The following TPRX1 variants were observed in gnomAD, a reference collection of about 807,000 sequenced individuals.
The protein encoded by TPRX1 is tetrapeptide repeat homeobox 1, also known as tetra-peptide repeat homeobox protein 1.
In TPRX1, 2 loss-of-function variants were observed where a neutral mutation model predicts 8.1. The ratio of observed to expected loss-of-function variants is 0.25; its 90% CI spans 0.10 to 0.78. The LOEUF is 0.78. TPRX1 is among the 30% of genes least tolerant of loss of function. The pLI is 0.70. For synonymous variants in TPRX1, 257 were observed against 254.1 expected (o/e 1.01, Z -0.11); for missense variants, 517 against 586.9 (o/e 0.88, Z 1.23).
chr19:47,811,885 A>T (rs766220182), intron 2 of TPRX1, among the ~76,000 whole-genome samples: 2 of 151,146 alleles, frequency 1.3e-5, no homozygotes, highest in Non-Finnish European at 2.9e-5. Context: ...ATATTTTTTG[A>T]GACGGAGTTT....
At chr19:47,801,916 T>A in exon 4 of TPRX1, 1 of 1,614,122 alleles carries the variant, frequency 6.2e-7, no homozygotes, top group Non-Finnish European at 8.5e-7. Context: ...AGACTGAGGA[T>A]CCCTCCAAGG....
exon 4 of TPRX1, chr19:47,801,723 T>C (rs1599948526): frequency 1.3e-6 from 2 of 1,557,550 alleles, no homozygotes; most frequent in Non-Finnish European, 1.7e-6. Context: ...GCAGTGTAGA[T>C]CAGCCACTCC....
exon 4 of TPRX1, chr19:47,802,848 G>A: frequency 6.2e-7 from 1 of 1,601,578 alleles, no homozygotes; most frequent in South Asian, 1.1e-5. Flanking sequence ...CCCCGCTGAG[G>A]TGCGGAGGCA....
chr19:47,815,563 C>T (rs532789179), intron 2 of TPRX1, among the ~76,000 whole-genome samples: 1 of 145,322 alleles, frequency 6.9e-6, no homozygotes, highest in Non-Finnish European at 1.5e-5. Flanking sequence ...AATCCCAGCA[C>T]TTTGGGAGGC....
At chr19:47,802,880 G>C in exon 4 of TPRX1, 7 of 1,588,076 alleles carry the variant, frequency 4.4e-6, no homozygotes, top group Non-Finnish European at 6.0e-6. Context: ...GACTAGGGGC[G>C]CAGCGCGGGC....
At chr19:47,815,131 T>TATATATATATGCAA (rs1967823985) in intron 2 of TPRX1, among the ~76,000 whole-genome samples, 3 of 111,476 alleles carry the variant, frequency 2.7e-5, no homozygotes, top group African/African-American at 1.1e-4. Flanking sequence ...TATATATATA[T>TATATATATATGCAA]ATATATATAT....
chr19:47,806,184 T>A (rs1967733670), intron 2 of TPRX1, among the ~76,000 whole-genome samples: 1 of 150,776 alleles, frequency 6.6e-6, no homozygotes, highest in African/African-American at 2.4e-5. Context: ...ATTGTGCCAC[T>A]GTACTCCAGC....
At chr19:47,815,832 A>G (rs1232643116) in intron 2 of TPRX1, among the ~76,000 whole-genome samples, 2 of 151,880 alleles carry the variant, frequency 1.3e-5, no homozygotes, top group Admixed American at 6.6e-5. Context: ...TGTAAAAGAA[A>G]TAATTTCCAA....
chr19:47,802,549 T>C (rs541579151), exon 4 of TPRX1: 1 of 1,549,020 alleles, frequency 6.5e-7, no homozygotes, highest in East Asian at 2.5e-5. Flanking sequence ...AAATTGGGCC[T>C]GGGATTGGGC....
At chr19:47,802,221 G>C (rs1967672845) in exon 4 of TPRX1, 1 of 1,612,164 alleles carries the variant, frequency 6.2e-7, no homozygotes, top group Non-Finnish European at 8.5e-7. Context: ...CCTATAATTG[G>C]GCCTGGGCCT....
chr19:47,802,039 TG>T lies in TPRX1; in HGVS notation c.1262del (p.Pro421GlnfsTer37). On this transcript the variant is annotated frameshift_variant, in exon 4 of 4. Coordinates refer to ENST00000535759, the Ensembl canonical transcript of TPRX1. LOFTEE classifies it low-confidence loss of function (END_TRUNC). ...AGGGGGCTGGGGCTGGGAGTGATCC[TG>T]GGCCTGGGATTGGAGCTGGGACTGA... 1 of 1,607,950 alleles carries T rather than the reference TG, an allele frequency of 6.2e-7. No individual in the cohort carries two copies. Among genetic ancestry groups the T allele is most frequent in the South Asian group, 1.1e-5 (1 of 89,898 alleles).
At chr19:47,803,856 A>T (rs1967708590) in intron 2 of TPRX1, among the ~76,000 whole-genome samples, 183 bp from the exon 2 acceptor site, 1 of 151,670 alleles carries the variant, frequency 6.6e-6, no homozygotes, top group Non-Finnish European at 1.5e-5. Flanking sequence ...ACATCTAGGA[A>T]ATAGGCGCGA....
At chr19:47,806,396 T>C (rs1967735541) in intron 2 of TPRX1, among the ~76,000 whole-genome samples, 1 of 151,362 alleles carries the variant, frequency 6.6e-6, no homozygotes, top group Non-Finnish European at 1.5e-5. Context: ...GGCGGGAGCC[T>C]GTAATCCCAG....
chr19:47,815,115 T>TATATATATATATGCAA (rs1967820025), intron 2 of TPRX1, among the ~76,000 whole-genome samples: 1 of 7,392 alleles, frequency 1.4e-4, no homozygotes, highest in Non-Finnish European at 2.6e-4. Flanking sequence ...ATAGATAAAT[T>TATATATATATATGCAA]ATATATATAT....
chr19:47,802,862 G>T (rs368212934), exon 4 of TPRX1: 4 of 1,600,574 alleles, frequency 2.5e-6, no homozygotes, highest in Non-Finnish European at 3.4e-6. Context: ...GGAGGCAGAG[G>T]CTGCAGGGAC....
chr19:47,810,038 T>C (rs1967768237), intron 2 of TPRX1, among the ~76,000 whole-genome samples: 1 of 151,854 alleles, frequency 6.6e-6, no homozygotes, highest in Admixed American at 6.6e-5. Flanking sequence ...GCGGATCACC[T>C]GAGGTCAGGA....
chr19:47,807,311 C>T (rs1342584120), intron 2 of TPRX1, among the ~76,000 whole-genome samples: 1 of 152,192 alleles, frequency 6.6e-6, no homozygotes, highest in African/African-American at 2.4e-5. Flanking sequence ...CCCACCTTGC[C>T]TCCCAAAGTA....
At chr19:47,803,128 A>G in intron 3 of TPRX1, 148 bp from the exon 3 acceptor site, 1 of 601,684 alleles carries the variant, frequency 1.7e-6, no homozygotes, top group South Asian at 1.9e-5. Context: ...CCCGGCTCCA[A>G]GGCCTGGAGA....
intron 2 of TPRX1, among the ~76,000 whole-genome samples, chr19:47,812,278 G>T (rs561003621): frequency 2.0e-5 from 3 of 152,230 alleles, no homozygotes; most frequent in Admixed American, 2.0e-4. Context: ...TTGTTCAAGT[G>T]GGGGAAGGCA....
Sources: allele counts gnomAD v4.1 joint callset (sites outside exome capture counted in the v4.1 genomes callset), GRCh38; gene constraint gnomAD v4.1.1; transcripts MANE v1.5; gene names NCBI Gene and HGNC (gene_info 2026-07-23, HGNC 2026-07-21).